The following TIMM8B variants were observed in gnomAD, a reference collection of about 807,000 sequenced individuals.
The protein encoded by TIMM8B is translocase of inner mitochondrial membrane 8 homolog B, also known as mitochondrial import inner membrane translocase subunit Tim8 B.
TIMM8B carries 5 observed loss-of-function variants against 8.5 expected under a neutral mutation model. The ratio of observed to expected loss-of-function variants is 0.59; its 90% confidence interval spans 0.31 to 1.24. TIMM8B has a LOEUF of 1.24. Ranked by LOEUF, TIMM8B falls within the 50% of genes most tolerant of loss-of-function variation. TIMM8B has a pLI of 0.07. For missense variants in TIMM8B, 104 were observed against 109.2 expected (o/e 0.95, Z 0.21); for synonymous variants, 44 against 39.9 (o/e 1.10, Z -0.39).
At chr11:112,086,513 C>A in intron 1 of TIMM8B, 127 bp downstream of exon 1, 1 of 1,382,690 alleles carries the variant, frequency 7.2e-7, no homozygotes, top group Non-Finnish European at 9.7e-7. Context: ...CTTTGTCTTT[C>A]GTGAGGGGAA....
chr11:112,086,063 T>C, intron 1 of TIMM8B: 3 of 1,184,850 alleles, frequency 2.5e-6, no homozygotes, highest in Non-Finnish European at 3.2e-6. Context: ...AGAGGCGTGA[T>C]TATGTAGTCC....
At position 112,085,037 on chromosome 11, in the gene TIMM8B, T is replaced by C. The variant is rs1865558132; in HGVS notation, c.*258A>G. On this transcript the variant is annotated 3_prime_UTR_variant, in exon 2 of 2. Transcript: ENST00000504148. ...TTCCTGCCAATCAGAGATCTCTATATTAAATTCTAAAATGGGATTAAAAGA... is the reference window on the plus strand; with the variant it reads ...TTCCTGCCAATCAGAGATCTCTATACTAAATTCTAAAATGGGATTAAAAGA... The C allele has an allele frequency of 9.1e-6, 3 of 330,264 alleles. No individual in the cohort carries two copies. Among genetic ancestry groups the C allele is most frequent in the African/African-American group, 2.1e-5 (1 of 48,064 alleles). 20.5% of individuals were successfully genotyped at this position (330,264 alleles called of 1,614,324 possible). A position where few individuals can be genotyped will look rare whatever the true frequency, so the allele number is the denominator to read the frequency against.
At chr11:112,086,524 T>C in intron 1 of TIMM8B, 116 bp downstream of exon 1, 12 of 1,423,760 alleles carry the variant, frequency 8.4e-6, no homozygotes, top group Non-Finnish European at 1.1e-5. Context: ...GTGAGGGGAA[T>C]GGGATGCAGC....
At chr11:112,086,221 G>T in intron 1 of TIMM8B, 1 of 504,696 alleles carries the variant, frequency 2.0e-6, no homozygotes, top group East Asian at 6.8e-5. Flanking sequence ...ATACATTGTC[G>T]CATATGATCC....
chr11:112,086,750 G>A lies in TIMM8B; in HGVS notation c.-27C>T, dbSNP rs752103426. 7 of 1,600,972 alleles carry A rather than the reference G, an allele frequency of 4.4e-6. No individual in the cohort carries two copies. The highest frequency in any genetic ancestry group is 4.0e-5 in the African/African-American group (3 of 74,780). On this transcript the variant is annotated 5_prime_UTR_variant, in exon 1 of 2. Coordinates refer to ENST00000504148, the MANE Select transcript of TIMM8B (RefSeq NM_012459.4). Reference sequence around the variant, plus strand: ...GTTCGCCTCAGGCTCGCCACCTTCCGACAGCTGTGTTTGCGCATGCGCGAC... The same window carrying A: ...GTTCGCCTCAGGCTCGCCACCTTCCAACAGCTGTGTTTGCGCATGCGCGAC...
chr11:112,086,168 T>C, intron 1 of TIMM8B: 2 of 637,126 alleles, frequency 3.1e-6, no homozygotes, highest in Admixed American at 4.7e-5. Flanking sequence ...CAGCGACTAC[T>C]TCAGAGTCCA....
intron 1 of TIMM8B, 136 bp from the exon 2 acceptor site, chr11:112,085,598 C>T (rs1865578515): frequency 5.9e-6 from 4 of 675,882 alleles, no homozygotes; most frequent in African/African-American, 3.6e-5. Context: ...TCTTCTCTTT[C>T]TTCATTTCCT....
intron 1 of TIMM8B, 134 bp from the exon 2 acceptor site, chr11:112,085,596 T>C: frequency 1.5e-6 from 1 of 685,536 alleles, no homozygotes. Flanking sequence ...GCTCTTCTCT[T>C]TCTTCATTTC....
chr11:112,085,240 C>T lies in TIMM8B; in HGVS notation c.*55G>A. On this transcript the variant is annotated 3_prime_UTR_variant, in exon 2 of 2. Coordinates refer to ENST00000504148, the MANE Select transcript of TIMM8B (RefSeq NM_012459.4). ...GGTTGATAGCCTTCCCCCACTGACCCTTAAATCTGCTTAGTAACAAGTCCT... is the reference window on the plus strand; with the variant it reads ...GGTTGATAGCCTTCCCCCACTGACCTTTAAATCTGCTTAGTAACAAGTCCT... The T allele has an allele frequency of 6.6e-7, 1 of 1,511,288 alleles. No individual in the cohort carries two copies. Among genetic ancestry groups the T allele is most frequent in the South Asian group, 1.2e-5 (1 of 81,076 alleles). The allele number at this position is 1,511,288 out of a possible 1,614,324, so 93.6% of individuals were successfully genotyped here.
At chr11:112,086,425 AC>A in intron 1 of TIMM8B, 1 of 804,792 alleles carries the variant, frequency 1.2e-6, no homozygotes, top group Admixed American at 2.0e-5. Flanking sequence ...CCTGTTTTAC[AC>A]CTTTTCTTTT....
intron 1 of TIMM8B, chr11:112,085,921 T>G: frequency 1.2e-6 from 1 of 829,928 alleles, no homozygotes; most frequent in Non-Finnish European, 1.5e-6. Context: ...TTGCTGGTCA[T>G]CCGAGCACCC....
intron 1 of TIMM8B, chr11:112,086,307 T>A (rs555091226): frequency 9.5e-6 from 5 of 527,660 alleles, no homozygotes; most frequent in Middle Eastern, 2.9e-4. Context: ...TACGGGCACG[T>A]GGCCTGCAAG....
intron 1 of TIMM8B, 148 bp downstream of exon 1, chr11:112,086,492 G>A: frequency 8.2e-7 from 1 of 1,218,922 alleles, no homozygotes; most frequent in Non-Finnish European, 1.1e-6. Context: ...CCAGGGACAG[G>A]AGAGCCATAA....
At position 112,085,232 on chromosome 11, in the gene TIMM8B, C is replaced by G. The variant is rs535840784; in HGVS notation, c.*63G>C. 4.9e-4 allele frequency: 690 copies of G among 1,413,146 alleles called. 1 individual carries two copies. The highest frequency in any genetic ancestry group is 6.2e-4 in the Non-Finnish European group (638 of 1,029,918). The allele number at this position is 1,413,146 out of a possible 1,614,324, so 87.5% of individuals were successfully genotyped here. A position where few individuals can be genotyped will look rare whatever the true frequency, so the allele number is the denominator to read the frequency against. On this transcript the variant is annotated 3_prime_UTR_variant, in exon 2 of 2. Transcript: ENST00000504148. ...TGACAATGGGTTGATAGCCTTCCCCCACTGACCCTTAAATCTGCTTAGTAA... is the reference window on the plus strand; with the variant it reads ...TGACAATGGGTTGATAGCCTTCCCCGACTGACCCTTAAATCTGCTTAGTAA...
At chr11:112,086,535 C>A in intron 1 of TIMM8B, 105 bp downstream of exon 1, 1 of 1,451,082 alleles carries the variant, frequency 6.9e-7, no homozygotes, top group African/African-American at 1.4e-5. Context: ...GGGATGCAGC[C>A]GGGATCGAGC....
At chr11:112,086,426 C>A in intron 1 of TIMM8B, 1 of 811,450 alleles carries the variant, frequency 1.2e-6, no homozygotes, top group Non-Finnish European at 2.0e-6. Flanking sequence ...CTGTTTTACA[C>A]CTTTTCTTTT....
At position 112,085,028 on chromosome 11, in the gene TIMM8B, A is replaced by G; in HGVS notation, c.*267T>C. 6.7e-6 allele frequency: 2 copies of G among 297,894 alleles called. No homozygotes were observed. The highest frequency in any genetic ancestry group is 1.2e-5 in the Non-Finnish European group (2 of 160,916). The allele number at this position is 297,894 out of a possible 1,614,324, so 18.5% of individuals were successfully genotyped here. On this transcript the variant is annotated 3_prime_UTR_variant, in exon 2 of 2. Coordinates refer to ENST00000504148, the MANE Select transcript of TIMM8B (RefSeq NM_012459.4). ...TTTCTAGTGTTCCTGCCAATCAGAG[A>G]TCTCTATATTAAATTCTAAAATGGG... is the stretch of plus-strand genomic sequence containing the variant.
At chr11:112,085,633 A>T (rs1235461634) in intron 1 of TIMM8B, among the ~76,000 whole-genome samples, 171 bp from the exon 2 acceptor site, 2 of 152,140 alleles carry the variant, frequency 1.3e-5, no homozygotes, top group African/African-American at 2.4e-5. Context: ...ATTGATCCAG[A>T]TCCTCGTCCC....
rs1406905418 is a variant in TIMM8B, at chr11:112,086,747, T to C, written c.-24A>G. On this transcript the variant is annotated 5_prime_UTR_variant, in exon 1 of 2. Coordinates refer to ENST00000504148, the MANE Select transcript of TIMM8B (RefSeq NM_012459.4). ...ATTGTTCGCCTCAGGCTCGCCACCT[T>C]CCGACAGCTGTGTTTGCGCATGCGC... The C allele has an allele frequency of 6.2e-7, 1 of 1,601,552 alleles. No individual in the cohort carries two copies. Among genetic ancestry groups the C allele is most frequent in the South Asian group, 1.1e-5 (1 of 89,504 alleles).
Sources: allele counts gnomAD v4.1 joint callset (sites outside exome capture counted in the v4.1 genomes callset), GRCh38; gene constraint gnomAD v4.1.1; transcripts MANE v1.5; gene names NCBI Gene and HGNC (gene_info 2026-07-23, HGNC 2026-07-21).